The following EPHA6 variants were observed in gnomAD, a reference collection of about 807,000 sequenced individuals.
EPHA6 encodes EPH receptor A6.
A neutral mutation model predicts 112.0 loss-of-function variants in EPHA6; 50 were observed. The observed-to-expected ratio is 0.45, with a 90% CI of 0.36 to 0.56. EPHA6 has a LOEUF of 0.56. EPHA6 is among the 20% of genes least tolerant of loss of function. The pLI is 0.00. For synonymous variants in EPHA6, 529 were observed against 490.7 expected (o/e 1.08, Z -1.03); for missense variants, 1,280 against 1,417.4 (o/e 0.90, Z 1.56).
chr3:97,535,049 G>GACACACAC lies in EPHA6; in HGVS notation c.2386+2517_2386+2524dup, dbSNP rs3033947. 8.0e-3 allele frequency among the ~76,000 whole-genome samples: 1,199 copies of GACACACAC among 150,158 alleles called. 15 individuals are homozygous for GACACACAC. Among genetic ancestry groups the GACACACAC allele is most frequent in the African/African-American group, 0.028 (1,133 of 41,046 alleles). ...ACACATCTATCCTTTCTCAATCACA[G>GACACACAC]ACACACACACACACACACGAAAAGG... is the stretch of plus-strand genomic sequence containing the variant. On this transcript the variant is annotated intron_variant, in intron 11 of 17. Transcript: ENST00000389672.
Position 97,012,542 on chromosome 3 carries a change from G to T in EPHA6, c.1114+24549G>T, listed in dbSNP as rs148402259. Among the ~76,000 whole-genome samples the T allele has an allele frequency of 6.2e-5, 9 of 144,368 alleles. No individual in the cohort carries two copies. In the South Asian group the frequency reaches 2.0e-3, roughly 32 times the overall value. 94.7% of individuals were successfully genotyped at this position (144,368 alleles called of 152,430 possible). ...TATATTCATATATATTTTTATATATGAATATATTATAAAACTAGAATATAT... is the reference window on the plus strand; with the variant it reads ...TATATTCATATATATTTTTATATATTAATATATTATAAAACTAGAATATAT... On this transcript the variant is annotated intron_variant, in intron 3 of 17. Transcript: ENST00000389672.
At chr3:97,375,959 G>T (rs983708643) in intron 5 of EPHA6, among the ~76,000 whole-genome samples, 1 of 152,092 alleles carries the variant, frequency 6.6e-6, no homozygotes, top group African/African-American at 2.4e-5. Flanking sequence ...CTAATATTTT[G>T]CAGGAATACA....
chr3:97,566,297 C>A (rs1240388917), intron 11 of EPHA6, among the ~76,000 whole-genome samples: 1 of 152,146 alleles, frequency 6.6e-6, no homozygotes, highest in Non-Finnish European at 1.5e-5. Context: ...CCCCCATTAC[C>A]CAGTCTTCTC....
At chr3:97,035,069 T>C (rs954951272) in intron 3 of EPHA6, among the ~76,000 whole-genome samples, 2 of 152,008 alleles carry the variant, frequency 1.3e-5, no homozygotes, top group African/African-American at 4.8e-5. Context: ...TTTGTTTTGC[T>C]CTCAATTAAG....
intron 2 of EPHA6, among the ~76,000 whole-genome samples, chr3:96,965,548 C>G (rs2042094549): frequency 2.0e-5 from 3 of 151,988 alleles, no homozygotes; most frequent in South Asian, 4.1e-4. Context: ...TGCAAGAATT[C>G]TTTATGTAGT....
At chr3:97,458,328 A>C (rs540887534) in intron 7 of EPHA6, among the ~76,000 whole-genome samples, 33 of 152,130 alleles carry the variant, frequency 2.2e-4, no homozygotes, top group Non-Finnish European at 4.6e-4. Flanking sequence ...GATTCACATC[A>C]AACTGAATTT....
At chr3:97,618,871 T>G (rs1039878548) in intron 13 of EPHA6, among the ~76,000 whole-genome samples, 9 of 151,722 alleles carry the variant, frequency 5.9e-5, no homozygotes, top group Non-Finnish European at 1.0e-4. Flanking sequence ...GAAACAATAC[T>G]AAAAAAATTG....
intron 3 of EPHA6, among the ~76,000 whole-genome samples, chr3:97,178,158 C>G (rs1044068106): frequency 3.9e-5 from 6 of 151,934 alleles, no homozygotes; most frequent in Non-Finnish European, 8.8e-5. Flanking sequence ...TATCTCATAA[C>G]CCACTATTGT....
intron 3 of EPHA6, among the ~76,000 whole-genome samples, chr3:97,222,361 A>G (rs895927078): frequency 3.3e-5 from 5 of 152,200 alleles, no homozygotes; most frequent in African/African-American, 1.2e-4. Flanking sequence ...ACCCAAATAT[A>G]TTTTATGGGT....
At chr3:96,892,376 A>G (rs1384311975) in intron 2 of EPHA6, among the ~76,000 whole-genome samples, 5 of 151,498 alleles carry the variant, frequency 3.3e-5, no homozygotes, top group African/African-American at 1.2e-4. Context: ...GTCTACCACC[A>G]CTCCTGGTTA....
At chr3:97,736,224 C>G in intron 16 of EPHA6, 106 bp downstream of exon 16, 2 of 790,688 alleles carry the variant, frequency 2.5e-6, no homozygotes, top group Non-Finnish European at 1.9e-6. Context: ...TGATAACCAT[C>G]TAGTTGTTGA....
chr3:97,127,672 G>A (rs1462921792), intron 3 of EPHA6, among the ~76,000 whole-genome samples: 3 of 149,596 alleles, frequency 2.0e-5, no homozygotes, highest in African/African-American at 5.0e-5. Context: ...CCGAGATTGC[G>A]CCACTGCACT....
At chr3:97,509,859 A>G (rs1328314949) in intron 10 of EPHA6, among the ~76,000 whole-genome samples, 1 of 152,098 alleles carries the variant, frequency 6.6e-6, no homozygotes, top group Non-Finnish European at 1.5e-5. Flanking sequence ...ACATAGTCTC[A>G]TATTTCTTGG....
intron 11 of EPHA6, among the ~76,000 whole-genome samples, chr3:97,559,328 G>A (rs1481639718): frequency 2.6e-5 from 4 of 152,012 alleles, no homozygotes; most frequent in Admixed American, 6.6e-5. Context: ...ATAATAACAG[G>A]AGAGAACTCT....
At chr3:97,407,909 GT>G (rs2087463080) in intron 6 of EPHA6, among the ~76,000 whole-genome samples, 1 of 151,934 alleles carries the variant, frequency 6.6e-6, no homozygotes, top group Admixed American at 6.6e-5. Flanking sequence ...GTCTTTGTTT[GT>G]TTTGTGATGC....
At chr3:97,699,352 T>C in intron 14 of EPHA6, among the ~76,000 whole-genome samples, 1 of 152,196 alleles carries the variant, frequency 6.6e-6, no homozygotes, top group East Asian at 1.9e-4. Context: ...AAAGAAATAA[T>C]ACTAATAATT....
chr3:96,828,873 A>C (rs1010718867), intron 1 of EPHA6, among the ~76,000 whole-genome samples: 91 of 152,298 alleles, frequency 6.0e-4, no homozygotes, highest in Non-Finnish European at 2.1e-4. Context: ...CAACCAGATA[A>C]TTAATTTTAT....
intron 5 of EPHA6, among the ~76,000 whole-genome samples, chr3:97,337,070 A>G (rs924554348): frequency 6.6e-6 from 1 of 152,126 alleles, no homozygotes; most frequent in Non-Finnish European, 1.5e-5. Context: ...AGATACTAGA[A>G]TATCTAAACA....
chr3:97,430,516 T>G (rs2089441080), intron 6 of EPHA6, among the ~76,000 whole-genome samples: 2 of 152,214 alleles, frequency 1.3e-5, no homozygotes, highest in South Asian at 4.1e-4. Flanking sequence ...AGATTTTTAT[T>G]GGAATAAGCC....
Sources: allele counts gnomAD v4.1 joint callset (sites outside exome capture counted in the v4.1 genomes callset), GRCh38; gene constraint gnomAD v4.1.1; transcripts MANE v1.5; gene names NCBI Gene and HGNC (gene_info 2026-07-23, HGNC 2026-07-21).